EDDM3A: variants seen among roughly 807,000 people sequenced by gnomAD.
EDDM3A encodes epididymal protein 3A, also known as epididymal secretory protein E3-alpha.
For synonymous variants in EDDM3A, 75 were observed against 60.4 expected, an observed-to-expected ratio of 1.24 and a Z score of -1.12; for missense variants, 199 against 177.4, an observed-to-expected ratio of 1.12 and a Z score of -0.69.
chr14:20,741,655 T>C (rs771464567), upstream of EDDM3A, among the ~76,000 whole-genome samples: 1 of 152,122 alleles, frequency 6.6e-6, no homozygotes, highest in African/African-American at 2.4e-5. Flanking sequence ...GGGCCAATAA[T>C]GGGAAAATCA....
intron 1 of EDDM3A, among the ~76,000 whole-genome samples, chr14:20,747,102 C>CTTT (rs71112518): frequency 0.093 from 11,357 of 121,964 alleles, 642 homozygotes; most frequent in South Asian, 0.16. Context: ...AAACTGTATT[C>CTTT]TTTTTTTTTT....
upstream of EDDM3A, among the ~76,000 whole-genome samples, chr14:20,745,194 C>G (rs188101399): frequency 1.3e-5 from 2 of 150,500 alleles, no homozygotes; most frequent in Non-Finnish European, 2.9e-5. Flanking sequence ...CGACTGCACT[C>G]CAGCCTGGGC....
upstream of EDDM3A, among the ~76,000 whole-genome samples, chr14:20,743,215 A>G (rs1440281412): frequency 6.6e-6 from 1 of 152,222 alleles, no homozygotes; most frequent in Non-Finnish European, 1.5e-5. Flanking sequence ...GTTTTGTGAA[A>G]CAGTAGTTCA....
Position 20,747,937 on chromosome 14 carries a change from C to T in EDDM3A, c.357C>T (p.Ser119=). ...KYNNRYTESR[S]FSYIEFHCGV... ...ACAATAGGTACACAGAGAGCAGAAG[C>T]TTCAGCTACATTGAATTCCATTGTG... is the stretch of plus-strand genomic sequence containing the variant. Residue 119 remains serine (S), a synonymous_variant, in exon 2 of 2, where the codon AGC becomes AGT. Coordinates refer to ENST00000326842, the MANE Select transcript of EDDM3A (RefSeq NM_006683.5). 1.2e-6 allele frequency: 2 copies of T among 1,614,110 alleles called. No homozygotes were observed. Among genetic ancestry groups the T allele is most frequent in the Non-Finnish European group, 1.7e-6 (2 of 1,179,998 alleles).
chr14:20,744,654 T>C (rs550291394), upstream of EDDM3A, among the ~76,000 whole-genome samples: 5 of 152,198 alleles, frequency 3.3e-5, no homozygotes, highest in Non-Finnish European at 5.9e-5. Context: ...GGACTGAATC[T>C]TGAGGTCCTG....
At position 20,747,493 on chromosome 14, in the gene EDDM3A, T is replaced by G. The variant is rs1406272454; in HGVS notation, c.-26-62T>G. 4 of 1,072,858 alleles carry G rather than the reference T, an allele frequency of 3.7e-6. No individual in the cohort carries two copies. In the East Asian group the frequency reaches 9.6e-5, roughly 26 times the overall value. The allele number at this position is 1,072,858 out of a possible 1,614,324, so 66.5% of individuals were successfully genotyped here. A position where few individuals can be genotyped will look rare whatever the true frequency, so the allele number is the denominator to read the frequency against. On this transcript the variant is annotated intron_variant, in intron 1 of 1. Transcript: ENST00000326842. The stretch of plus-strand genomic sequence containing the variant: ...ACCTGCTTGGCAGGGAAAGGAATTT[T>G]AAGGTGGAGCTCAGCTCTCTGAGTA...
chr14:20,748,010 C>G lies in EDDM3A; in HGVS notation c.430C>G (p.Pro144Ala). The stretch of plus-strand genomic sequence containing the variant: ...CATAGAAGACCTGAGGATTATAGAA[C>G]CTATCAGCAACTAGAAAGTCTATGC... ...DNIEDLRIIE[P>A]ISN is the part of the protein sequence containing the mutation. Residue 144 changes from proline to alanine, a missense_variant, in exon 2 of 2, where the codon CCT becomes GCT. Coordinates refer to ENST00000326842, the MANE Select transcript of EDDM3A (RefSeq NM_006683.5). 1 of 1,598,404 alleles carries G rather than the reference C, an allele frequency of 6.3e-7. No homozygotes were observed. The highest frequency in any genetic ancestry group is 8.5e-7 in the Non-Finnish European group (1 of 1,172,488).
In EDDM3A at chr14:20,748,309, A is replaced by C; in HGVS notation, c.*285A>C. 3.4e-6 allele frequency: 1 copy of C among 294,828 alleles called. No individual in the cohort carries two copies. The allele number at this position is 294,828 out of a possible 1,614,324, so 18.3% of individuals were successfully genotyped here. On this transcript the variant is annotated 3_prime_UTR_variant, in exon 2 of 2. Coordinates refer to ENST00000326842, the MANE Select transcript of EDDM3A (RefSeq NM_006683.5). ...TCGACTAACCTAAGACTTTCCTGAT[A>C]TTGACTCTCTTTATACCTACCCAAG...
chr14:20,746,402 A>G (rs1450525717), intron 1 of EDDM3A, among the ~76,000 whole-genome samples: 3 of 152,166 alleles, frequency 2.0e-5, no homozygotes, highest in Non-Finnish European at 2.9e-5. Context: ...AGAGCTATGA[A>G]TCAGGCTAGA....
the EDDM3A span, among the ~76,000 whole-genome samples, chr14:20,736,626 A>C: frequency 1.3e-5 from 2 of 151,982 alleles, no homozygotes; most frequent in Admixed American, 6.6e-5. Context: ...TTTCTACTTT[A>C]ATTTTGACTT....
chr14:20,737,496 CA>C, the EDDM3A span, among the ~76,000 whole-genome samples: 24 of 152,158 alleles, frequency 1.6e-4, no homozygotes, highest in Non-Finnish European at 3.1e-4. Flanking sequence ...CCTCCTCTAT[CA>C]ACCATACACT....
rs573716211 is a variant in EDDM3A at position 20,747,751 on chromosome 14, A to C, written c.171A>C (p.Lys57Asn). 1.5e-5 allele frequency: 25 copies of C among 1,614,206 alleles called. No individual in the cohort carries two copies. The African/African-American group carries it at 2.9e-4, about 19-fold the overall frequency. ...AATGTGATGTCCTCATGAGAGAAAA[A>C]GAGGCTCTGAAAGGCAAGAGCTTTC... is the stretch of plus-strand genomic sequence containing the variant. ...EYKCDVLMRE[K>N]EALKGKSFHM... The change falls in exon 2 of 2, where the codon AAA becomes AAC. Residue 57 changes from lysine to asparagine, a missense_variant. Transcript: ENST00000326842.
Position 20,748,158 on chromosome 14 carries a change from A to G in EDDM3A, c.*134A>G. The G allele has an allele frequency of 1.6e-6, 1 of 625,910 alleles. No homozygotes were observed. The highest frequency in any genetic ancestry group is 2.7e-5 in the South Asian group (1 of 36,886). The allele number at this position is 625,910 out of a possible 1,614,324, so 38.8% of individuals were successfully genotyped here. A position where few individuals can be genotyped will look rare whatever the true frequency, so the allele number is the denominator to read the frequency against. On this transcript the variant is annotated 3_prime_UTR_variant, in exon 2 of 2. Transcript: ENST00000326842. ...AGTGTTTTCCAACTACTTAGAGTTT[A>G]TGTACCTCGTGATTTCTTGATACCA... is the stretch of plus-strand genomic sequence containing the variant.
At position 20,748,313 on chromosome 14, in the gene EDDM3A, A is replaced by C; in HGVS notation, c.*289A>C. ...CTAACCTAAGACTTTCCTGATATTG[A>C]CTCTCTTTATACCTACCCAAGCTGA... On this transcript the variant is annotated 3_prime_UTR_variant, in exon 2 of 2. Transcript: ENST00000326842. 1 of 285,924 alleles carries C rather than the reference A, an allele frequency of 3.5e-6. No homozygotes were observed. The highest frequency in any genetic ancestry group is 6.9e-6 in the Non-Finnish European group (1 of 144,202). 17.7% of individuals were successfully genotyped at this position (285,924 alleles called of 1,614,324 possible). A position where few individuals can be genotyped will look rare whatever the true frequency, so the allele number is the denominator to read the frequency against.
At chr14:20,747,515 A>C in intron 1 of EDDM3A, 40 bp from the exon 2 acceptor site, 2 of 1,289,262 alleles carry the variant, frequency 1.6e-6, no homozygotes, top group Non-Finnish European at 2.2e-6. Flanking sequence ...CAGCTCTCTG[A>C]GTATAGTCTG....
upstream of EDDM3A, among the ~76,000 whole-genome samples, chr14:20,743,106 G>T (rs1243487428): frequency 6.6e-6 from 1 of 152,160 alleles, no homozygotes; most frequent in African/African-American, 2.4e-5. Flanking sequence ...TTGATCCTAT[G>T]AATTCCATCC....
At chr14:20,742,274 T>C (rs926913515), upstream of EDDM3A, among the ~76,000 whole-genome samples, 7 of 152,314 alleles carry the variant, frequency 4.6e-5, no homozygotes, top group African/African-American at 1.4e-4. Flanking sequence ...TCAAAGTATA[T>C]GAGGGAACCA....
At chr14:20,739,483 G>A in the EDDM3A span, among the ~76,000 whole-genome samples, 12 of 152,178 alleles carry the variant, frequency 7.9e-5, no homozygotes, top group Non-Finnish European at 1.8e-4. Flanking sequence ...CTTCTGCTAA[G>A]CCAAGCAATT....
the EDDM3A span, among the ~76,000 whole-genome samples, chr14:20,740,476 T>A: frequency 6.6e-6 from 1 of 152,200 alleles, no homozygotes; most frequent in East Asian, 1.9e-4. Flanking sequence ...CCTCTTTTCC[T>A]TCTCCTGATC....
Sources: allele counts gnomAD v4.1 joint callset (sites outside exome capture counted in the v4.1 genomes callset), GRCh38; gene constraint gnomAD v4.1.1; transcripts MANE v1.5; gene names NCBI Gene and HGNC (gene_info 2026-07-23, HGNC 2026-07-21).